Variants in DCC observed in about 807,000 individuals in gnomAD.
The protein encoded by DCC is DCC netrin 1 receptor.
Under a neutral mutation model 172.5 loss-of-function variants are expected in DCC, and 58 were observed. That is an observed-to-expected ratio of 0.34 (90% CI 0.27 to 0.42). The LOEUF is 0.42. Ranked by LOEUF, DCC falls within the 10% of genes least tolerant of loss-of-function variation. DCC has a pLI of 1.00. For synonymous variants in DCC, 709 were observed against 644.5 expected (o/e 1.10, Z -1.52); for missense variants, 1,740 against 1,791.0 (o/e 0.97, Z 0.51).
chr18:52,438,334 C>T (rs1032118777), intron 1 of DCC, among the ~76,000 whole-genome samples: 2 of 152,138 alleles, frequency 1.3e-5, no homozygotes, highest in African/African-American at 2.4e-5. Flanking sequence ...TCAAGAACAT[C>T]CTAAAGCACT....
intron 1 of DCC, among the ~76,000 whole-genome samples, chr18:52,423,399 A>T (rs2144441705): frequency 6.6e-6 from 1 of 152,234 alleles, no homozygotes; most frequent in Non-Finnish European, 1.5e-5. Context: ...GGGTCTGACC[A>T]TTGGACCATG....
At chr18:53,158,139 CAA>C (rs5824992) in intron 8 of DCC, among the ~76,000 whole-genome samples, 1 of 150,524 alleles carries the variant, frequency 6.6e-6, no homozygotes, top group Non-Finnish European at 1.5e-5. Context: ...TTTTTAAAAA[CAA>C]AAAAAAATCA....
intron 12 of DCC, among the ~76,000 whole-genome samples, chr18:53,291,958 G>A (rs1376701359): frequency 6.6e-6 from 1 of 151,990 alleles, no homozygotes; most frequent in East Asian, 1.9e-4. Flanking sequence ...CAGTTTCTAG[G>A]ACCTAGAAGA....
chr18:52,811,176 C>A (rs2038190725), intron 2 of DCC, among the ~76,000 whole-genome samples: 1 of 152,202 alleles, frequency 6.6e-6, no homozygotes, highest in Non-Finnish European at 1.5e-5. Context: ...CAGCCTATAT[C>A]ACACACAGGT....
chr18:52,664,767 G>A (rs568792386), intron 1 of DCC, among the ~76,000 whole-genome samples: 12 of 151,794 alleles, frequency 7.9e-5, no homozygotes, highest in South Asian at 2.1e-4. Flanking sequence ...CACCGCGCCC[G>A]GCCCAGTGGC....
rs947307561 is a variant in DCC at position 53,166,218 on chromosome 18, A to G, written c.1418+8706A>G. Among the ~76,000 whole-genome samples, 3 of 151,872 alleles carry G rather than the reference A, an allele frequency of 2.0e-5. No individual in the cohort carries two copies. In the East Asian group the frequency reaches 5.8e-4, roughly 29 times the overall value. ...TCTGGTATATTCCAGTGTAGAGATC[A>G]TTGTGCAATTTGCTGAGATTAGGAT... is the stretch of plus-strand genomic sequence containing the variant. On this transcript the variant is annotated intron_variant, in intron 8 of 28. Coordinates refer to ENST00000442544, the MANE Select transcript of DCC (RefSeq NM_005215.4).
chr18:52,573,689 A>T (rs998520506), intron 1 of DCC, among the ~76,000 whole-genome samples: 1 of 152,174 alleles, frequency 6.6e-6, no homozygotes, highest in African/African-American at 2.4e-5. Context: ...GACTCTTTAC[A>T]TCTAAGATCA....
chr18:53,187,032 ATAT>A (rs1273078789), intron 9 of DCC, among the ~76,000 whole-genome samples: 2 of 152,142 alleles, frequency 1.3e-5, no homozygotes, highest in African/African-American at 2.4e-5. Context: ...GATTATTATA[ATAT>A]TTGCATTGGG....
chr18:53,203,342 A>G (rs2055574195), intron 9 of DCC, among the ~76,000 whole-genome samples: 2 of 152,010 alleles, frequency 1.3e-5, no homozygotes, highest in Non-Finnish European at 2.9e-5. Context: ...TGTTCTATGC[A>G]CTATCCTCAT....
intron 12 of DCC, among the ~76,000 whole-genome samples, chr18:53,236,836 T>C (rs1036123755): frequency 2.0e-5 from 3 of 152,046 alleles, no homozygotes; most frequent in Non-Finnish European, 2.9e-5. Flanking sequence ...TCTTTCCTCA[T>C]TGAATTATTT....
chr18:53,465,314 A>T (rs1050279671), intron 24 of DCC, among the ~76,000 whole-genome samples: 4 of 150,972 alleles, frequency 2.6e-5, no homozygotes, highest in Middle Eastern at 3.2e-3. Context: ...CAATGACTTG[A>T]TTTCACCTTC....
chr18:52,830,544 G>A (rs987364840), intron 2 of DCC, among the ~76,000 whole-genome samples: 2 of 152,100 alleles, frequency 1.3e-5, no homozygotes, highest in African/African-American at 4.8e-5. Flanking sequence ...GCTATTGGAT[G>A]AAATTGCACA....
intron 2 of DCC, among the ~76,000 whole-genome samples, chr18:52,815,306 G>A (rs1273414964): frequency 2.0e-5 from 3 of 152,042 alleles, no homozygotes; most frequent in African/African-American, 7.2e-5. Context: ...GTTGATAAAT[G>A]TTACATGAGG....
intron 8 of DCC, among the ~76,000 whole-genome samples, chr18:53,175,857 C>T (rs974040361): frequency 6.6e-6 from 1 of 152,118 alleles, no homozygotes; most frequent in African/African-American, 2.4e-5. Flanking sequence ...CAAAAAAGAG[C>T]CTGCATTGCC....
At chr18:52,429,065 C>G (rs1987535583) in intron 1 of DCC, among the ~76,000 whole-genome samples, 1 of 152,032 alleles carries the variant, frequency 6.6e-6, no homozygotes, top group South Asian at 2.1e-4. Context: ...ATCCCCTTGC[C>G]TTTCTAAGAT....
At chr18:52,650,275 G>A (rs966469050) in intron 1 of DCC, among the ~76,000 whole-genome samples, 6 of 151,936 alleles carry the variant, frequency 3.9e-5, no homozygotes, top group South Asian at 4.2e-4. Flanking sequence ...CACCACACCC[G>A]GCCTCTATTT....
At position 53,254,142 on chromosome 18, in the gene DCC, T is replaced by A. The variant is rs552788258; in HGVS notation, c.1911+38545T>A. On this transcript the variant is annotated intron_variant, in intron 12 of 28. Coordinates refer to ENST00000442544, the MANE Select transcript of DCC (RefSeq NM_005215.4). ...TATTTAATGTGTGTGGGGACAACCA[T>A]ATTTATTTTTGTATCAAGCAAATAT... Among the ~76,000 whole-genome samples the A allele has an allele frequency of 2.9e-4, 44 of 152,148 alleles. 1 individual carries two copies. In the South Asian group the frequency reaches 9.1e-3, roughly 32 times the overall value.
intron 27 of DCC, among the ~76,000 whole-genome samples, chr18:53,525,510 G>A (rs2046444911): frequency 6.6e-6 from 1 of 151,982 alleles, no homozygotes; most frequent in South Asian, 2.1e-4. Context: ...GCTTATGTCA[G>A]GATTTACCAT....
chr18:53,345,695 A>T (rs575145983), intron 15 of DCC, among the ~76,000 whole-genome samples: 99 of 152,032 alleles, frequency 6.5e-4, no homozygotes, highest in African/African-American at 2.3e-3. Flanking sequence ...TTATCTGAAA[A>T]TATCTTAATT....
Sources: allele counts gnomAD v4.1 joint callset (sites outside exome capture counted in the v4.1 genomes callset), GRCh38; gene constraint gnomAD v4.1.1; transcripts MANE v1.5; gene names NCBI Gene and HGNC (gene_info 2026-07-23, HGNC 2026-07-21).